EYS: variants seen among roughly 807,000 people sequenced by gnomAD.
EYS encodes the protein EGF-like photoreceptor maintenance factor.
In EYS, 250 loss-of-function variants were observed where a neutral mutation model predicts 282.1. The ratio of observed to expected loss-of-function variants is 0.89; its 90% CI spans 0.80 to 0.98. The LOEUF (loss-of-function observed/expected upper bound fraction) is 0.98, where lower values mean the gene tolerates loss of function less well. EYS is among the 50% of genes least tolerant of loss of function. The pLI, the probability that EYS is intolerant of heterozygous loss-of-function variation, is 0.00. For missense variants in EYS, 4,016 were observed against 3,709.0 expected (o/e 1.08, Z -2.15); for synonymous variants, 1,355 against 1,282.9 (o/e 1.06, Z -1.20).
At chr6:63,972,623 G>A (rs573184354) in intron 35 of EYS, among the ~76,000 whole-genome samples, 1 of 152,080 alleles carries the variant, frequency 6.6e-6, no homozygotes, top group East Asian at 1.9e-4. Context: ...CATGTGCCAT[G>A]GTGGTTTGCT....
At chr6:65,526,731 G>C (rs1470361541) in intron 2 of EYS, among the ~76,000 whole-genome samples, 1 of 152,136 alleles carries the variant, frequency 6.6e-6, no homozygotes, top group Non-Finnish European at 1.5e-5. Context: ...GCGTGAACTC[G>C]GAAGGCGAAG....
intron 26 of EYS, among the ~76,000 whole-genome samples, chr6:64,529,149 C>A (rs1778018856): frequency 6.6e-6 from 1 of 151,960 alleles, no homozygotes; most frequent in Non-Finnish European, 1.5e-5. Context: ...TTTGTATGTA[C>A]AAAGAAGGCT....
chr6:65,260,990 T>G (rs1387357040), intron 12 of EYS, among the ~76,000 whole-genome samples: 1 of 152,116 alleles, frequency 6.6e-6, no homozygotes, highest in African/African-American at 2.4e-5. Context: ...TTTTACTTAA[T>G]CTAGGTCTCA....
At chr6:64,296,884 C>A (rs756720965) in intron 30 of EYS, among the ~76,000 whole-genome samples, 1 of 152,056 alleles carries the variant, frequency 6.6e-6, no homozygotes, top group Non-Finnish European at 1.5e-5. Flanking sequence ...GGATTACAGG[C>A]ATGAGCCACC....
intron 5 of EYS, among the ~76,000 whole-genome samples, chr6:65,474,422 T>A (rs376076484): frequency 1.3e-5 from 2 of 152,126 alleles, no homozygotes; most frequent in Non-Finnish European, 2.9e-5. Context: ...TTATCCTAAA[T>A]GAGCTTCTAT....
At chr6:64,886,603 G>A in intron 19 of EYS, 94 bp downstream of exon 19, 1 of 1,013,736 alleles carries the variant, frequency 9.9e-7, no homozygotes, top group South Asian at 2.6e-5. Context: ...TTTGCATCTG[G>A]CAGATTATTT....
intron 33 of EYS, among the ~76,000 whole-genome samples, chr6:64,016,489 A>ATTTTTT (rs11358904): frequency 7.2e-6 from 1 of 138,344 alleles, no homozygotes. Context: ...TACCTTTTTG[A>ATTTTTT]TTTTTTTTTT....
chr6:63,958,892 A>T (rs1765935352), intron 35 of EYS, among the ~76,000 whole-genome samples: 1 of 152,200 alleles, frequency 6.6e-6, no homozygotes, highest in Non-Finnish European at 1.5e-5. Flanking sequence ...TCCCTTTGAA[A>T]TGTGTTCGCT....
intron 28 of EYS, among the ~76,000 whole-genome samples, chr6:64,421,791 A>C (rs1355497615): frequency 6.6e-6 from 1 of 152,000 alleles, no homozygotes; most frequent in Non-Finnish European, 1.5e-5. Flanking sequence ...AGTGTTTTCA[A>C]ATATTTCAGG....
At chr6:64,864,382 C>CATTTTTTTTTTTTTTTTTTT (rs1766347000) in intron 19 of EYS, among the ~76,000 whole-genome samples, 1 of 40,082 alleles carries the variant, frequency 2.5e-5, no homozygotes, top group African/African-American at 7.4e-5. Context: ...GGTGCTATAC[C>CATTTTTTTTTTTTTTTTTTT]TTCTTTTTTT....
intron 1 of EYS, among the ~76,000 whole-genome samples, chr6:65,701,828 G>C (rs546915798): frequency 1.3e-5 from 2 of 152,174 alleles, no homozygotes; most frequent in East Asian, 1.9e-4. Flanking sequence ...CATATATATA[G>C]AGAGAGTTTT....
intron 14 of EYS, among the ~76,000 whole-genome samples, chr6:64,971,367 T>C (rs1393309549): frequency 6.6e-6 from 1 of 151,990 alleles, no homozygotes; most frequent in South Asian, 2.1e-4. Flanking sequence ...CTTAAGGCGG[T>C]AGAGATAGGC....
chr6:64,757,541 A>G (rs995412366), intron 22 of EYS, among the ~76,000 whole-genome samples: 3 of 152,012 alleles, frequency 2.0e-5, no homozygotes, highest in African/African-American at 7.2e-5. Context: ...CTATGCTATC[A>G]CGTCTTAATT....
At chr6:64,228,666 A>C (rs1431981207) in intron 31 of EYS, among the ~76,000 whole-genome samples, 1 of 152,152 alleles carries the variant, frequency 6.6e-6, no homozygotes, top group African/African-American at 2.4e-5. Context: ...TAAAATGATT[A>C]ATAATATGAA....
intron 12 of EYS, among the ~76,000 whole-genome samples, chr6:65,099,091 T>C (rs1774819583): frequency 6.6e-6 from 1 of 150,608 alleles, no homozygotes; most frequent in Non-Finnish European, 1.5e-5. Context: ...AATATATATC[T>C]ATATATATAC....
chr6:64,862,111 A>G (rs905201897), intron 19 of EYS, among the ~76,000 whole-genome samples: 1 of 152,200 alleles, frequency 6.6e-6, no homozygotes, highest in African/African-American at 2.4e-5. Context: ...AACACTTTAA[A>G]TATTTCATCT....
chr6:64,590,858 G>A lies in EYS; in HGVS notation c.5009C>T (p.Pro1670Leu), dbSNP rs1477933157. ...CLDKTCLSIV[P>L]SQTISSDLMN... ...CAAGTCTGAAGAGATAGTTTGTGAA[G>A]GGACAATGGATAAACAAGTCTTATC... Residue 1670 changes from proline (P) to leucine (L), a missense_variant, in exon 26 of 43, where the codon CCT becomes CTT. Transcript: ENST00000503581. The A allele has an allele frequency of 6.4e-7, 1 of 1,550,660 alleles. No individual in the cohort carries two copies. The highest frequency in any genetic ancestry group is 8.7e-7 in the Non-Finnish European group (1 of 1,146,584).
intron 22 of EYS, 127 bp from the exon 23 acceptor site, chr6:64,626,372 C>T: frequency 9.1e-7 from 1 of 1,100,018 alleles, no homozygotes; most frequent in South Asian, 1.9e-5. Context: ...GGGAGCCTTC[C>T]TTGGGGTGAC....
At chr6:64,186,214 A>G (rs1325806826) in intron 31 of EYS, among the ~76,000 whole-genome samples, 1 of 151,234 alleles carries the variant, frequency 6.6e-6, no homozygotes, top group Non-Finnish European at 1.5e-5. Context: ...AGAAACCTAG[A>G]TGATTGTGGG....
Sources: gnomAD v4.1 joint callset for allele counts (sites outside exome capture counted in the v4.1 genomes callset) on GRCh38, gnomAD v4.1.1 for gene constraint, MANE v1.5 for transcripts, NCBI Gene and HGNC (gene_info 2026-07-23, HGNC 2026-07-21) for gene names.